Variants in CRTC3 observed in about 807,000 individuals in gnomAD.
CRTC3 encodes CREB regulated transcription coactivator 3, also known as CREB-regulated transcription coactivator 3.
A neutral mutation model predicts 74.5 loss-of-function variants in CRTC3; 26 were observed. That is an observed-to-expected ratio of 0.35 (90% CI 0.26 to 0.48). The LOEUF is 0.48. CRTC3 is among the 20% of genes least tolerant of loss of function. The pLI, the probability that CRTC3 is intolerant of heterozygous loss-of-function variation, is 0.99. For synonymous variants in CRTC3, 377 were observed against 325.8 expected (o/e 1.16, Z -1.69); for missense variants, 760 against 787.3 (o/e 0.97, Z 0.41).
chr15:90,554,272 T>C (rs11491097), intron 2 of CRTC3, among the ~76,000 whole-genome samples: 53 of 152,022 alleles, frequency 3.5e-4, no homozygotes, highest in African/African-American at 1.3e-3. Context: ...GGCGTGATCT[T>C]GGCTCACTGC....
chr15:90,630,365 G>A lies in CRTC3; in HGVS notation c.1266+833G>A, dbSNP rs368585417. 1.3e-5 allele frequency among the ~76,000 whole-genome samples: 2 copies of A among 152,322 alleles called. 1 individual carries two copies. Among genetic ancestry groups the A allele is most frequent in the South Asian group, 4.1e-4 (2 of 4,832 alleles). ...ACAATACTTTTATTGTTCATGAAAT[G>A]CTAAGTATGTTGAGGATTATATCTC... On this transcript the variant is annotated intron_variant, in intron 11 of 14. Coordinates refer to ENST00000268184, the MANE Select transcript of CRTC3 (RefSeq NM_022769.5).
At chr15:90,621,945 G>A (rs1968665639) in intron 9 of CRTC3, among the ~76,000 whole-genome samples, 1 of 152,126 alleles carries the variant, frequency 6.6e-6, no homozygotes, top group Non-Finnish European at 1.5e-5. Flanking sequence ...GAGCAAGATG[G>A]GCAGAAACAA....
At chr15:90,619,849 G>A in intron 9 of CRTC3, 59 bp downstream of exon 9, 1 of 1,401,742 alleles carries the variant, frequency 7.1e-7, no homozygotes, top group East Asian at 2.3e-5. Flanking sequence ...TTTCCCAAAA[G>A]TCTCGCTGCT....
intron 2 of CRTC3, among the ~76,000 whole-genome samples, chr15:90,557,006 A>ATATTT (rs1966906434): frequency 1.4e-5 from 2 of 146,260 alleles, no homozygotes; most frequent in African/African-American, 5.1e-5. Flanking sequence ...ATATCTTTAT[A>ATATTT]ATACAATATG....
At chr15:90,625,240 C>G (rs1181317740) in intron 9 of CRTC3, among the ~76,000 whole-genome samples, 1 of 152,232 alleles carries the variant, frequency 6.6e-6, no homozygotes, top group East Asian at 1.9e-4. Flanking sequence ...CCTGCTTGTT[C>G]ATCATGGTGC....
intron 6 of CRTC3, among the ~76,000 whole-genome samples, chr15:90,613,185 GAAAAAAAAA>G (rs34111646): frequency 2.6e-5 from 3 of 114,172 alleles, no homozygotes; most frequent in Non-Finnish European, 3.5e-5. Flanking sequence ...TCTGTCTCGG[GAAAAAAAAA>G]AAAAAAAAAA....
intron 2 of CRTC3, among the ~76,000 whole-genome samples, chr15:90,563,469 A>C (rs1005293430): frequency 1.3e-5 from 2 of 152,212 alleles, no homozygotes; most frequent in Non-Finnish European, 1.5e-5. Flanking sequence ...ACTTGAGTTA[A>C]AATATAACTC....
At chr15:90,588,140 A>T (rs1337260977) in intron 2 of CRTC3, among the ~76,000 whole-genome samples, 3 of 151,944 alleles carry the variant, frequency 2.0e-5, no homozygotes, top group Non-Finnish European at 2.9e-5. Flanking sequence ...CATGCCTGTA[A>T]TCCTAGCTAC....
At chr15:90,571,201 G>A (rs1358355794) in intron 2 of CRTC3, among the ~76,000 whole-genome samples, 1 of 152,178 alleles carries the variant, frequency 6.6e-6, no homozygotes, top group Non-Finnish European at 1.5e-5. Context: ...GGGAGAGGCA[G>A]ATGATTTTAC....
chr15:90,620,698 A>C (rs1968622071), intron 9 of CRTC3, among the ~76,000 whole-genome samples: 1 of 152,182 alleles, frequency 6.6e-6, no homozygotes, highest in African/African-American at 2.4e-5. Context: ...CCGTGAGAGC[A>C]GTCCCACCAC....
In CRTC3 at chr15:90,638,465, G is replaced by A. The variant is rs200689565; in HGVS notation, c.1286G>A (p.Ser429Asn). 9.9e-6 allele frequency: 16 copies of A among 1,614,054 alleles called. No homozygotes were observed. In the East Asian group the frequency reaches 2.9e-4, roughly 29 times the overall value. ...PTSQMVSSDR[S>N]QLSFLPTEAQ... ...TTGCAGATGGTGTCCTCAGACCGAA[G>A]CCAACTTTCCTTTCTGCCCACAGAA... Residue 429 changes from serine (S) to asparagine (N), a missense_variant, in exon 12 of 15, where the codon AGC becomes AAC. Physicochemically the swap from Ser to Asn is conservative, Grantham distance 46. Transcript: ENST00000268184.
intron 2 of CRTC3, among the ~76,000 whole-genome samples, chr15:90,571,409 C>T (rs1054929838): frequency 6.6e-6 from 1 of 152,274 alleles, no homozygotes; most frequent in South Asian, 2.1e-4. Flanking sequence ...GCAAAAGAAG[C>T]TGCATTTGGC....
Position 90,530,119 on chromosome 15 carries a change from T to G in CRTC3, c.48T>G (p.Ser16Arg), listed in dbSNP as rs764056442. Residue 16 changes from serine (S) to arginine (R), a missense_variant, in exon 1 of 15, where the codon AGT becomes AGG. Ser to Arg is a moderately radical substitution (Grantham distance 110). Around this residue, in one of 2 missense-constraint regions of CRTC3, gnomAD observed 108 missense variants for 152.1 expected, o/e 0.71. Coordinates refer to ENST00000268184, the MANE Select transcript of CRTC3 (RefSeq NM_022769.5). The surrounding 1 kb of genome is among the most constrained non-coding windows in gnomAD (Gnocchi z 6.2). The stretch of plus-strand genomic sequence containing the variant: ...GCAGCGCCAACCCGCGGAAGTTCAG[T>G]GAGAAGATCGCGCTGCACACGCAGA... Reference protein sequence around the residue: ...GSGSANPRKFSEKIALHTQRQ... With the variant: ...GSGSANPRKFREKIALHTQRQ... The G allele has an allele frequency of 6.9e-7, 1 of 1,458,550 alleles. No individual in the cohort carries two copies. Among genetic ancestry groups the G allele is most frequent in the Non-Finnish European group, 9.2e-7 (1 of 1,090,274 alleles). 90.4% of individuals were successfully genotyped at this position (1,458,550 alleles called of 1,614,324 possible). A position where few individuals can be genotyped will look rare whatever the true frequency, so the allele number is the denominator to read the frequency against.
At position 90,642,620 on chromosome 15, in the gene CRTC3, G is replaced by A; in HGVS notation, c.*480G>A. On this transcript the variant is annotated 3_prime_UTR_variant, in exon 15 of 15. Transcript: ENST00000268184. ...GCTCTGACCTGACCCAGAGGGCGAG[G>A]CCCTCCAGCGGGGGACATTCCCAGG... 4.0e-6 allele frequency: 1 copy of A among 247,318 alleles called. No homozygotes were observed. Among genetic ancestry groups the A allele is most frequent in the Non-Finnish European group, 7.9e-6 (1 of 126,372 alleles). The allele number at this position is 247,318 out of a possible 1,614,324, so 15.3% of individuals were successfully genotyped here.
At chr15:90,615,082 A>AT (rs1226157631) in intron 7 of CRTC3, among the ~76,000 whole-genome samples, 46 of 151,100 alleles carry the variant, frequency 3.0e-4, no homozygotes, top group African/African-American at 1.1e-3. Flanking sequence ...AAATAAATAA[A>AT]TAAATAAATT....
At chr15:90,560,887 T>G (rs563466820) in intron 2 of CRTC3, among the ~76,000 whole-genome samples, 2 of 152,282 alleles carry the variant, frequency 1.3e-5, no homozygotes, top group East Asian at 3.8e-4. Flanking sequence ...TCAACAAAAT[T>G]TAATACCATA....
intron 2 of CRTC3, among the ~76,000 whole-genome samples, chr15:90,577,118 C>T (rs1967425966): frequency 6.6e-6 from 1 of 152,152 alleles, no homozygotes; most frequent in African/African-American, 2.4e-5. Flanking sequence ...CACTGGCTCT[C>T]CTCTTCCCAG....
intron 9 of CRTC3, among the ~76,000 whole-genome samples, chr15:90,622,316 C>T (rs1210730981): frequency 2.6e-5 from 4 of 152,136 alleles, no homozygotes; most frequent in Admixed American, 6.5e-5. Flanking sequence ...ATTGTGTGAA[C>T]GTTACTAATG....
chr15:90,614,125 T>A (rs1053499155), intron 6 of CRTC3: 1 of 232,388 alleles, frequency 4.3e-6, no homozygotes, highest in Non-Finnish European at 8.4e-6. Context: ...GGAAGAGAAT[T>A]TCCATCTATA....
Sources: gnomAD v4.1 joint callset for allele counts (sites outside exome capture counted in the v4.1 genomes callset) on GRCh38, gnomAD v4.1.1 for gene constraint, gnomAD v4.1.1 regional missense constraint, Gnocchi (gnomAD v3.1) non-coding constraint, MANE v1.5 for transcripts, NCBI Gene and HGNC (gene_info 2026-07-23, HGNC 2026-07-21) for gene names.